The following TRIM44 variants were observed in gnomAD, a reference collection of about 807,000 sequenced individuals.
TRIM44 encodes tripartite motif-containing protein 44.
In TRIM44, 13 loss-of-function variants were observed where a neutral mutation model predicts 37.4. The ratio of observed to expected loss-of-function variants is 0.35; its 90% CI spans 0.23 to 0.55. The LOEUF is 0.55. Among genes scored for constraint, TRIM44 ranks in the 20% least tolerant of loss-of-function variants. The pLI is 0.89. For synonymous variants in TRIM44, 175 were observed against 157.2 expected, an observed-to-expected ratio of 1.11 and a Z score of -0.85; for missense variants, 426 against 437.2, an observed-to-expected ratio of 0.97 and a Z score of 0.23.
chr11:35,799,738 A>G (rs546480847), intron 4 of TRIM44, among the ~76,000 whole-genome samples: 12 of 152,306 alleles, frequency 7.9e-5, no homozygotes, highest in Middle Eastern at 3.4e-3. Context: ...ACCAGAAGCT[A>G]TCGGTGAGTT....
intron 2 of TRIM44, among the ~76,000 whole-genome samples, chr11:35,696,441 C>A (rs1041878396): frequency 6.6e-6 from 1 of 151,760 alleles, no homozygotes; most frequent in Non-Finnish European, 1.5e-5. Context: ...CGCAAGCAGC[C>A]GTCAAAAATT....
intron 4 of TRIM44, among the ~76,000 whole-genome samples, chr11:35,749,323 A>G (rs1852532990): frequency 6.6e-6 from 1 of 152,214 alleles, no homozygotes; most frequent in Non-Finnish European, 1.5e-5. Context: ...AAAATCTGTT[A>G]TAGAAAATAA....
chr11:35,752,908 A>G (rs185732259), intron 4 of TRIM44, among the ~76,000 whole-genome samples: 3 of 152,320 alleles, frequency 2.0e-5, no homozygotes, highest in South Asian at 4.1e-4. Context: ...AGTGTATTAT[A>G]TATTTAACTT....
At chr11:35,754,989 G>A (rs543422361) in intron 4 of TRIM44, among the ~76,000 whole-genome samples, 2 of 152,292 alleles carry the variant, frequency 1.3e-5, no homozygotes, top group South Asian at 4.2e-4. Flanking sequence ...CTTTATAGCA[G>A]CATGTTTTAT....
chr11:35,777,907 C>A (rs1050794405), intron 4 of TRIM44, among the ~76,000 whole-genome samples: 5 of 152,160 alleles, frequency 3.3e-5, no homozygotes, highest in African/African-American at 1.2e-4. Flanking sequence ...TTCATTTCAG[C>A]TTTGGTGAGT....
At chr11:35,738,306 G>A (rs1257408702) in intron 4 of TRIM44, among the ~76,000 whole-genome samples, 1 of 152,178 alleles carries the variant, frequency 6.6e-6, no homozygotes, top group Admixed American at 6.5e-5. Flanking sequence ...TGGCTTTAGA[G>A]TTTAATTGCA....
intron 4 of TRIM44, among the ~76,000 whole-genome samples, chr11:35,761,405 C>CTATA (rs1554935236): frequency 0.036 from 5,417 of 150,332 alleles, 132 homozygotes; most frequent in South Asian, 0.11. Flanking sequence ...CTCTCTCTCT[C>CTATA]TATATATATA....
intron 4 of TRIM44, among the ~76,000 whole-genome samples, chr11:35,800,602 C>T (rs1853354047): frequency 6.6e-6 from 1 of 152,152 alleles, no homozygotes; most frequent in Non-Finnish European, 1.5e-5. Flanking sequence ...CCCACTCGAC[C>T]CAGGAGGTCC....
intron 4 of TRIM44, among the ~76,000 whole-genome samples, chr11:35,742,493 T>C (rs1368020517): frequency 7.4e-6 from 1 of 135,164 alleles, no homozygotes; most frequent in Non-Finnish European, 1.5e-5. Context: ...TTGTATTATA[T>C]ATAATTATAT....
At chr11:35,781,273 G>C (rs1012901377) in intron 4 of TRIM44, among the ~76,000 whole-genome samples, 1 of 152,116 alleles carries the variant, frequency 6.6e-6, no homozygotes. Context: ...GTGCATAACA[G>C]TGAAGCATGT....
At chr11:35,767,567 T>G (rs1423941977) in intron 4 of TRIM44, among the ~76,000 whole-genome samples, 2 of 151,904 alleles carry the variant, frequency 1.3e-5, no homozygotes, top group African/African-American at 2.4e-5. Flanking sequence ...GGAAATATTA[T>G]GAGAATAATG....
intron 1 of TRIM44, among the ~76,000 whole-genome samples, chr11:35,668,345 T>C (rs1851354174): frequency 6.6e-6 from 1 of 152,204 alleles, no homozygotes. Context: ...TAGCTATTCT[T>C]TCTGATGCTC....
At chr11:35,763,626 G>A (rs557717117) in intron 4 of TRIM44, among the ~76,000 whole-genome samples, 1 of 152,164 alleles carries the variant, frequency 6.6e-6, no homozygotes, top group African/African-American at 2.4e-5. Context: ...AAACTCCAAG[G>A]TCTTTGTTCT....
chr11:35,686,000 G>A (rs1392834773), intron 2 of TRIM44, among the ~76,000 whole-genome samples: 1 of 152,190 alleles, frequency 6.6e-6, no homozygotes, highest in Non-Finnish European at 1.5e-5. Flanking sequence ...ACTGGCATGG[G>A]ATCCAGACTC....
chr11:35,686,843 C>T (rs1461912440), intron 2 of TRIM44, among the ~76,000 whole-genome samples: 1 of 152,186 alleles, frequency 6.6e-6, no homozygotes, highest in Non-Finnish European at 1.5e-5. Flanking sequence ...TGGGCGTGAG[C>T]CACCACACCT....
intron 4 of TRIM44, among the ~76,000 whole-genome samples, chr11:35,750,457 A>G (rs1205732720): frequency 6.6e-6 from 1 of 152,178 alleles, no homozygotes; most frequent in African/African-American, 2.4e-5. Context: ...CTAGGGTTCC[A>G]TGGTCCAGTA....
chr11:35,663,054 C>G lies in TRIM44; in HGVS notation c.-58C>G, dbSNP rs1385237730. Reference sequence around the variant, plus strand: ...GGCGGGAGGAGGAAGTGAGGCCGCGCGGAAGGAAGGCGGCGAGCCCCGGGG... The same window carrying G: ...GGCGGGAGGAGGAAGTGAGGCCGCGGGGAAGGAAGGCGGCGAGCCCCGGGG... On this transcript the variant is annotated 5_prime_UTR_variant, in exon 1 of 5. Transcript: ENST00000299413. 14 of 1,460,170 alleles carry G rather than the reference C, an allele frequency of 9.6e-6. No homozygotes were observed. Among genetic ancestry groups the G allele is most frequent in the Non-Finnish European group, 1.3e-5 (14 of 1,113,638 alleles). 90.5% of individuals were successfully genotyped at this position (1,460,170 alleles called of 1,614,324 possible).
chr11:35,756,838 G>A (rs1296565305), intron 4 of TRIM44, among the ~76,000 whole-genome samples: 2 of 152,174 alleles, frequency 1.3e-5, no homozygotes, highest in East Asian at 3.9e-4. Flanking sequence ...AACCAGCCTT[G>A]CATCCCAGGG....
intron 4 of TRIM44, among the ~76,000 whole-genome samples, chr11:35,771,079 G>A (rs562442966): frequency 1.3e-5 from 2 of 152,312 alleles, no homozygotes; most frequent in East Asian, 3.9e-4. Context: ...AGCGACTTTG[G>A]AACTGGGTAA....
Sources: allele counts gnomAD v4.1 joint callset (sites outside exome capture counted in the v4.1 genomes callset), GRCh38; gene constraint gnomAD v4.1.1; transcripts MANE v1.5; gene names NCBI Gene and HGNC (gene_info 2026-07-23, HGNC 2026-07-21).